The following IFIH1 variants were observed in gnomAD, a reference collection of about 807,000 sequenced individuals.
IFIH1 encodes the protein interferon induced with helicase C domain 1.
IFIH1 carries 125 observed loss-of-function variants against 107.4 expected under a neutral mutation model. The observed-to-expected ratio is 1.16, with a 90% CI of 1.01 to 1.35. The LOEUF (loss-of-function observed/expected upper bound fraction) is 1.35, where lower values mean the gene tolerates loss of function less well. Ranked by LOEUF, IFIH1 falls within the 40% of genes most tolerant of loss-of-function variation. The probability of loss-of-function intolerance (pLI) is 0.00; values close to 1 mark genes in which losing one functional copy is unlikely to be tolerated. For synonymous variants in IFIH1, 458 were observed against 413.2 expected, an observed-to-expected ratio of 1.11 and a Z score of -1.31; for missense variants, 1,333 against 1,213.7, an observed-to-expected ratio of 1.10 and a Z score of -1.46.
chr2:162,316,681 A>T (rs957000219), intron 1 of IFIH1, among the ~76,000 whole-genome samples: 2 of 152,234 alleles, frequency 1.3e-5, no homozygotes, highest in African/African-American at 4.8e-5. Context: ...TGTGAAAATC[A>T]TAGAGTGGTG....
chr2:162,318,161 T>C lies in IFIH1; in HGVS notation c.147A>G (p.Thr49=). 1 of 1,614,200 alleles carries C rather than the reference T, an allele frequency of 6.2e-7. No individual in the cohort carries two copies. The highest frequency in any genetic ancestry group is 8.5e-7 in the Non-Finnish European group (1 of 1,180,028). ...CCTGCATGTTCCCGGAGGTGGCGAC[T>C]GTCCTCTGAATCTGCTCCTTCACCT... ...PAEVKEQIQR[T]VATSGNMQAV... is the part of the protein sequence containing the mutation. Residue 49 remains threonine, a synonymous_variant, in exon 1 of 16, where the codon ACA becomes ACG. Transcript: ENST00000649979.
intron 3 of IFIH1, among the ~76,000 whole-genome samples, chr2:162,305,831 T>A (rs150331471): frequency 6.6e-6 from 1 of 152,316 alleles, no homozygotes; most frequent in African/African-American, 2.4e-5. Context: ...CTGGAGGCTA[T>A]CTCCGTCTTT....
rs747135877 is a variant in IFIH1 at position 162,318,163 on chromosome 2, T to A, written c.145A>T (p.Thr49Ser). 3 of 1,614,054 alleles carry A rather than the reference T, an allele frequency of 1.9e-6. No individual in the cohort carries two copies. The highest frequency in any genetic ancestry group is 2.5e-6 in the Non-Finnish European group (3 of 1,180,030). ...TGCATGTTCCCGGAGGTGGCGACTG[T>A]CCTCTGAATCTGCTCCTTCACCTCT... is the stretch of plus-strand genomic sequence containing the variant. ...PAEVKEQIQR[T>S]VATSGNMQAV... Residue 49 changes from threonine (T) to serine (S), a missense_variant, in exon 1 of 16, where the codon ACA (threonine) becomes TCA (serine). Coordinates refer to ENST00000649979, the MANE Select transcript of IFIH1 (RefSeq NM_022168.4).
chr2:162,281,447 TG>T lies in IFIH1; in HGVS notation c.1404del (p.Asn468LysfsTer11). The T allele has an allele frequency of 6.2e-7, 1 of 1,612,560 alleles. No homozygotes were observed. The highest frequency in any genetic ancestry group is 8.5e-7 in the Non-Finnish European group (1 of 1,178,998). ...MRHYLMQKLKNNRLKKENKPV... is the reference protein window; with the variant it reads ...MRHYLMQKLKXNRLKKENKPV... ...GGTTTGTTTTCTTTCTTGAGTCTAT[TG>T]TTTTTCAACTTCTGCATCAAATAAT... On this transcript the variant is annotated frameshift_variant, in exon 7 of 16. Coordinates refer to ENST00000649979, the MANE Select transcript of IFIH1 (RefSeq NM_022168.4). LOFTEE classifies it high-confidence loss of function.
rs183640198 is a variant in IFIH1 at position 162,308,274 on chromosome 2, G to A, written c.623-1419C>T. ...CCACGTTCTCCCTGCGTCCTCACAC[G>A]GTTAAGAGAGAGAAAGAGACAGATG... On this transcript the variant is annotated intron_variant, in intron 2 of 15. Transcript: ENST00000649979. 4.4e-3 allele frequency among the ~76,000 whole-genome samples: 668 copies of A among 152,170 alleles called. 7 individuals are homozygous for A. The highest frequency in any genetic ancestry group is 0.015 in the African/African-American group (630 of 41,504).
chr2:162,292,213 T>C (rs755434775), intron 4 of IFIH1, among the ~76,000 whole-genome samples: 1 of 151,872 alleles, frequency 6.6e-6, no homozygotes, highest in Non-Finnish European at 1.5e-5. Context: ...AAATATTAGC[T>C]AGATTATCTA....
chr2:162,276,732 A>G lies in IFIH1; in HGVS notation c.2259T>C (p.His753=). 10 of 1,614,032 alleles carry G rather than the reference A, an allele frequency of 6.2e-6. No individual in the cohort carries two copies. Among genetic ancestry groups the G allele is most frequent in the Non-Finnish European group, 8.5e-6 (10 of 1,179,924 alleles). ...KFAEVGVKAH[H]LIGAGHSSEF... The stretch of plus-strand genomic sequence containing the variant: ...CACTGCTGTGTCCAGCTCCAATCAG[A>G]TGGTGGGCTTTGACTCCTACTTCAG... The change falls in exon 11 of 16, where the codon CAT becomes CAC. Residue 753 remains histidine (H), a synonymous_variant. Transcript: ENST00000649979.
chr2:162,289,887 C>G (rs1682966604), intron 4 of IFIH1, among the ~76,000 whole-genome samples: 1 of 151,892 alleles, frequency 6.6e-6, no homozygotes, highest in Non-Finnish European at 1.5e-5. Flanking sequence ...GTTTTGAACT[C>G]TACAATATTT....
At chr2:162,274,822 T>C (rs2105194731) in intron 11 of IFIH1, among the ~76,000 whole-genome samples, 1 of 152,282 alleles carries the variant, frequency 6.6e-6, no homozygotes, top group South Asian at 2.1e-4. Context: ...ACACTGTCTA[T>C]TGCCCCCATA....
chr2:162,276,235 A>T (rs1306512129), intron 11 of IFIH1, among the ~76,000 whole-genome samples: 1 of 152,182 alleles, frequency 6.6e-6, no homozygotes, highest in African/African-American at 2.4e-5. Flanking sequence ...TATCCTGTAA[A>T]TGTATTCATG....
At chr2:162,294,756 A>G (rs1052560431) in intron 3 of IFIH1, among the ~76,000 whole-genome samples, 2 of 151,764 alleles carry the variant, frequency 1.3e-5, no homozygotes, top group African/African-American at 4.8e-5. Context: ...AATTAAAAAT[A>G]TTTTATAATA....
chr2:162,302,127 G>A (rs1185573636), intron 3 of IFIH1, among the ~76,000 whole-genome samples: 1 of 152,092 alleles, frequency 6.6e-6, no homozygotes, highest in Non-Finnish European at 1.5e-5. Flanking sequence ...GTGCCAAAGG[G>A]ATATGTGTTT....
rs370474318 is a variant in IFIH1 at position 162,276,792 on chromosome 2, C to T, written c.2199G>A (p.Ala733=). The T allele has an allele frequency of 1.2e-5, 20 of 1,613,850 alleles. No individual in the cohort carries two copies. The highest frequency in any genetic ancestry group is 2.2e-5 in the South Asian group (2 of 91,088). Residue 733 remains alanine, a synonymous_variant, in exon 11 of 16, where the codon GCG becomes GCA. Coordinates refer to ENST00000649979, the MANE Select transcript of IFIH1 (RefSeq NM_022168.4). ...CATTTTCAGTAATCCACTGGGAAAGCGCATATGCACTCTGTCGTGTTTTTG... is the reference window on the plus strand; with the variant it reads ...CATTTTCAGTAATCCACTGGGAAAGTGCATATGCACTCTGTCGTGTTTTTG... ...IFTKTRQSAY[A]LSQWITENEK...
At chr2:162,311,125 A>G (rs1325569012) in intron 1 of IFIH1, among the ~76,000 whole-genome samples, 192 bp from the exon 2 acceptor site, 1 of 128,164 alleles carries the variant, frequency 7.8e-6, no homozygotes, top group Non-Finnish European at 1.5e-5. Context: ...CTCCGGGACA[A>G]CAACAACAAC....
chr2:162,282,177 T>C lies in IFIH1; in HGVS notation c.1306+189A>G, dbSNP rs115921156. On this transcript the variant is annotated intron_variant, in intron 6 of 15. Transcript: ENST00000649979. ...GCTTGCCTTAATAATGGTATTCTTA[T>C]GCAGAATAAAGTGGTCTAATTAAAA... is the stretch of plus-strand genomic sequence containing the variant. Among the ~76,000 whole-genome samples, 570 of 152,108 alleles carry C rather than the reference T, an allele frequency of 3.7e-3. 7 individuals carry two copies. The highest frequency in any genetic ancestry group is 0.013 in the African/African-American group (535 of 41,524).
intron 3 of IFIH1, among the ~76,000 whole-genome samples, chr2:162,295,904 T>C (rs1011239908): frequency 6.6e-6 from 1 of 152,022 alleles, no homozygotes; most frequent in African/African-American, 2.4e-5. Context: ...GCAAGAGTAA[T>C]TCTAGATCTA....
At chr2:162,304,404 G>C (rs1318712744) in intron 3 of IFIH1, among the ~76,000 whole-genome samples, 6 of 152,204 alleles carry the variant, frequency 3.9e-5, no homozygotes, top group African/African-American at 1.4e-4. Flanking sequence ...CAAGGCTGCA[G>C]TGAGCTGTGT....
chr2:162,287,255 T>C (rs1254098863), intron 5 of IFIH1, among the ~76,000 whole-genome samples: 2 of 151,632 alleles, frequency 1.3e-5, no homozygotes, highest in East Asian at 3.9e-4. Flanking sequence ...ATAATAGAAA[T>C]AAAAAATAGA....
intron 14 of IFIH1, 30 bp from the exon 15 acceptor site, chr2:162,267,599 T>C (rs942851287): frequency 2.6e-5 from 39 of 1,488,846 alleles, no homozygotes; most frequent in Non-Finnish European, 3.6e-5. Context: ...AGAATCATCA[T>C]GGAGAACTGA....
Sources: allele counts gnomAD v4.1 joint callset (sites outside exome capture counted in the v4.1 genomes callset), GRCh38; gene constraint gnomAD v4.1.1; transcripts MANE v1.5; gene names NCBI Gene and HGNC (gene_info 2026-07-23, HGNC 2026-07-21).